XKR4: variants seen among roughly 807,000 people sequenced by gnomAD.
XKR4 encodes the protein XK related 4, also known as XK-related protein 4.
A neutral mutation model predicts 53.9 loss-of-function variants in XKR4; 12 were observed. The observed-to-expected ratio is 0.22, with a 90% CI of 0.14 to 0.36. The LOEUF is 0.36. XKR4 is among the 10% of genes least tolerant of loss of function. The probability of loss-of-function intolerance (pLI) is 1.00; values close to 1 mark genes in which losing one functional copy is unlikely to be tolerated. For missense variants in XKR4, 799 were observed against 859.5 expected, an observed-to-expected ratio of 0.93 and a Z score of 0.88; for synonymous variants, 354 against 362.4, an observed-to-expected ratio of 0.98 and a Z score of 0.26.
chr8:55,462,651 A>C (rs565023938), intron 2 of XKR4, among the ~76,000 whole-genome samples: 3 of 152,336 alleles, frequency 2.0e-5, no homozygotes, highest in East Asian at 3.9e-4. Context: ...AAATGGGCTA[A>C]ATGCTCCAAT....
intron 2 of XKR4, among the ~76,000 whole-genome samples, chr8:55,490,389 T>C (rs1014151077): frequency 2.0e-5 from 3 of 152,104 alleles, no homozygotes; most frequent in African/African-American, 7.2e-5. Flanking sequence ...CAATGGGTGC[T>C]CATGGACATA....
At chr8:55,232,690 A>G (rs939473448) in intron 1 of XKR4, among the ~76,000 whole-genome samples, 1 of 152,226 alleles carries the variant, frequency 6.6e-6, no homozygotes, top group Non-Finnish European at 1.5e-5. Flanking sequence ...AATAAAAAAT[A>G]ACAATTATAA....
intron 1 of XKR4, among the ~76,000 whole-genome samples, chr8:55,336,921 C>G (rs994323552): frequency 1.3e-5 from 2 of 152,166 alleles, no homozygotes; most frequent in South Asian, 4.2e-4. Flanking sequence ...CAAATGAGCT[C>G]CTGAACATGT....
At chr8:55,316,285 G>A (rs137892643) in intron 1 of XKR4, among the ~76,000 whole-genome samples, 4 of 152,196 alleles carry the variant, frequency 2.6e-5, no homozygotes, top group Admixed American at 2.0e-4. Flanking sequence ...CAGTAGCACC[G>A]ATTCTCAGGC....
At chr8:55,225,445 A>G (rs1281686946) in intron 1 of XKR4, among the ~76,000 whole-genome samples, 1 of 152,246 alleles carries the variant, frequency 6.6e-6, no homozygotes, top group East Asian at 1.9e-4. Flanking sequence ...TGGGCTATAT[A>G]ATAGAATCAT....
At chr8:55,147,466 G>A (rs1369046964) in intron 1 of XKR4, among the ~76,000 whole-genome samples, 1 of 152,176 alleles carries the variant, frequency 6.6e-6, no homozygotes, top group Non-Finnish European at 1.5e-5. Context: ...CAGTAATTAT[G>A]CCTTTTAATT....
At chr8:55,277,687 C>T (rs939738283) in intron 1 of XKR4, among the ~76,000 whole-genome samples, 1 of 152,102 alleles carries the variant, frequency 6.6e-6, no homozygotes, top group Admixed American at 6.6e-5. Flanking sequence ...TTTGCATTCT[C>T]GATTTTTGAA....
intron 1 of XKR4, among the ~76,000 whole-genome samples, chr8:55,116,496 C>A (rs1816310940): frequency 6.6e-6 from 1 of 152,108 alleles, no homozygotes; most frequent in Admixed American, 6.6e-5. Flanking sequence ...CATTTGTCTT[C>A]CTACGTGAGA....
intron 1 of XKR4, among the ~76,000 whole-genome samples, chr8:55,197,438 T>C (rs1409449626): frequency 2.0e-5 from 3 of 152,228 alleles, no homozygotes; most frequent in Non-Finnish European, 4.4e-5. Context: ...CACTTTGTGA[T>C]ATCTTTAATG....
At chr8:55,145,302 G>C (rs913987508) in intron 1 of XKR4, among the ~76,000 whole-genome samples, 41 of 152,158 alleles carry the variant, frequency 2.7e-4, no homozygotes, top group African/African-American at 9.4e-4. Flanking sequence ...CTTCTTGAAT[G>C]CTCCTCTGAC....
rs114391194 is a variant in XKR4 at position 55,119,148 on chromosome 8, C to G, written c.806+15854C>G. On this transcript the variant is annotated intron_variant, in intron 1 of 2. Transcript: ENST00000327381. ...CACGCACACGTTATTAAAATGTGCT[C>G]TCTGACTTCAAGGAATTCACTGTCC... is the stretch of plus-strand genomic sequence containing the variant. Among the ~76,000 whole-genome samples, 1,298 of 152,276 alleles carry G rather than the reference C, an allele frequency of 8.5e-3. 21 individuals are homozygous for G. The highest frequency in any genetic ancestry group is 0.03 in the African/African-American group (1,234 of 41,546).
intron 2 of XKR4, among the ~76,000 whole-genome samples, chr8:55,479,810 A>T (rs1395932974): frequency 2.0e-5 from 3 of 152,242 alleles, no homozygotes; most frequent in African/African-American, 7.2e-5. Flanking sequence ...AGAAATGGAT[A>T]AATTCCTCAA....
At chr8:55,449,698 G>A (rs1189762489) in intron 2 of XKR4, 20 of 888,378 alleles carry the variant, frequency 2.3e-5, no homozygotes, top group Non-Finnish European at 3.7e-5. Flanking sequence ...CCACCAGGTC[G>A]ATGACACCCT....
At chr8:55,109,549 T>C (rs1307006805) in intron 1 of XKR4, among the ~76,000 whole-genome samples, 6 of 152,124 alleles carry the variant, frequency 3.9e-5, no homozygotes, top group Admixed American at 1.3e-4. Flanking sequence ...AGACAGCTCC[T>C]TGTGCATTTA....
intron 2 of XKR4, among the ~76,000 whole-genome samples, chr8:55,474,934 G>A (rs566638452): frequency 9.4e-4 from 143 of 152,216 alleles, no homozygotes; most frequent in African/African-American, 2.8e-3. Flanking sequence ...TTAGAGTCCT[G>A]AGCAAGGAAC....
intron 1 of XKR4, among the ~76,000 whole-genome samples, chr8:55,168,963 T>G (rs564829178): frequency 2.2e-4 from 34 of 152,338 alleles, no homozygotes; most frequent in South Asian, 1.0e-3. Context: ...ACTTCACATT[T>G]GATAGATCAC....
chr8:55,122,636 C>T (rs184205814), intron 1 of XKR4, among the ~76,000 whole-genome samples: 2 of 152,250 alleles, frequency 1.3e-5, no homozygotes, highest in Non-Finnish European at 2.9e-5. Context: ...TAAAGAATCA[C>T]GTTTTCGTGT....
At chr8:55,511,218 C>G (rs1217324091) in intron 2 of XKR4, among the ~76,000 whole-genome samples, 1 of 152,150 alleles carries the variant, frequency 6.6e-6, no homozygotes, top group Non-Finnish European at 1.5e-5. Flanking sequence ...TCCTGCTCCC[C>G]CTGAACCCCG....
chr8:55,499,718 C>T (rs1228172676), intron 2 of XKR4, among the ~76,000 whole-genome samples: 4 of 152,216 alleles, frequency 2.6e-5, no homozygotes, highest in Non-Finnish European at 5.9e-5. Context: ...CCGTCACACA[C>T]TAATAATACT....
Sources: allele counts gnomAD v4.1 joint callset (sites outside exome capture counted in the v4.1 genomes callset), GRCh38; gene constraint gnomAD v4.1.1; transcripts MANE v1.5; gene names NCBI Gene and HGNC (gene_info 2026-07-23, HGNC 2026-07-21).